The following CBFA2T3 variants were observed in gnomAD, a reference collection of about 807,000 sequenced individuals.
CBFA2T3 encodes transcriptional corepressor CBFA2T3.
CBFA2T3 carries 31 observed loss-of-function variants against 58.6 expected under a neutral mutation model. The ratio of observed to expected loss-of-function variants is 0.53; its 90% CI spans 0.40 to 0.71. CBFA2T3 has a LOEUF of 0.71. Among genes scored for constraint, CBFA2T3 ranks in the 30% least tolerant of loss-of-function variants. CBFA2T3 has a pLI of 0.00. For synonymous variants in CBFA2T3, 531 were observed against 421.9 expected (o/e 1.26, Z -3.17); for missense variants, 1,076 against 963.1 (o/e 1.12, Z -1.55).
chr16:88,894,207 CACACAT>C (rs1969772498), intron 3 of CBFA2T3, among the ~76,000 whole-genome samples: 1 of 143,972 alleles, frequency 6.9e-6, no homozygotes, highest in Non-Finnish European at 1.5e-5. Context: ...ACACAATGTA[CACACAT>C]GCACGCACAC....
intron 2 of CBFA2T3, among the ~76,000 whole-genome samples, chr16:88,898,376 C>G (rs560407809): frequency 3.9e-4 from 60 of 152,230 alleles, no homozygotes; most frequent in African/African-American, 1.3e-3. Flanking sequence ...CTCAGGGACG[C>G]CCGGGCCGCC....
At chr16:88,908,296 C>T (rs1970406023) in intron 1 of CBFA2T3, among the ~76,000 whole-genome samples, 1 of 151,430 alleles carries the variant, frequency 6.6e-6, no homozygotes, top group Admixed American at 6.6e-5. Flanking sequence ...GAGCCGAATT[C>T]GTGCCACCGC....
At chr16:88,904,212 T>C (rs1567596013) in intron 1 of CBFA2T3, among the ~76,000 whole-genome samples, 1 of 152,040 alleles carries the variant, frequency 6.6e-6, no homozygotes, top group Non-Finnish European at 1.5e-5. Flanking sequence ...GTGGTTCCCT[T>C]TGGGCAGAAC....
At chr16:88,945,129 A>T (rs1380041267) in intron 1 of CBFA2T3, among the ~76,000 whole-genome samples, 1 of 152,272 alleles carries the variant, frequency 6.6e-6, no homozygotes, top group Non-Finnish European at 1.5e-5. Context: ...ATAGATATTT[A>T]AAAATAAGCG....
intron 3 of CBFA2T3, among the ~76,000 whole-genome samples, chr16:88,895,073 G>A (rs758594001): frequency 1.3e-5 from 2 of 152,164 alleles, no homozygotes; most frequent in Non-Finnish European, 2.9e-5. Context: ...AACATGGGAC[G>A]TGGGGACCTA....
At position 88,879,309 on chromosome 16, in the gene CBFA2T3, G is replaced by A. The variant is rs767267455; in HGVS notation, c.1623C>T (p.Asp541=). The A allele has an allele frequency of 1.5e-5, 24 of 1,608,482 alleles. No individual in the cohort carries two copies. The highest frequency in any genetic ancestry group is 1.1e-4 in the South Asian group (10 of 90,970). The change falls in exon 11 of 12, where the codon GAC becomes GAT. Residue 541 remains aspartate, a synonymous_variant. Transcript: ENST00000268679. ...CCTGCTGGTTGATGACCGTCAGGGC[G>A]TCCTCGGAGGCCTGCCGCTTCGCCT... ...LAEAKRQASE[D]ALTVINQQED... is the part of the protein sequence containing the mutation.
At chr16:88,902,022 G>C (rs950718475) in intron 1 of CBFA2T3, among the ~76,000 whole-genome samples, 1 of 152,210 alleles carries the variant, frequency 6.6e-6, no homozygotes, top group African/African-American at 2.4e-5. Context: ...CATCCCCCGG[G>C]GGGTGTTCAG....
chr16:88,891,499 G>A (rs1469130506), intron 5 of CBFA2T3, among the ~76,000 whole-genome samples: 4 of 152,166 alleles, frequency 2.6e-5, no homozygotes, highest in East Asian at 1.9e-4. Context: ...CCCTATCCCC[G>A]AGCCTTGCCC....
chr16:88,902,117 G>T (rs1054805114), intron 1 of CBFA2T3, among the ~76,000 whole-genome samples: 2 of 152,240 alleles, frequency 1.3e-5, no homozygotes, highest in African/African-American at 4.8e-5. Context: ...TTCCCAGGTG[G>T]CGCTGCTGCT....
At chr16:88,917,924 CGTG>C (rs1970792343) in intron 1 of CBFA2T3, among the ~76,000 whole-genome samples, 2 of 152,158 alleles carry the variant, frequency 1.3e-5, no homozygotes, top group East Asian at 3.9e-4. Context: ...CTCCGGGGTG[CGTG>C]GAGGGACCCC....
intron 1 of CBFA2T3, chr16:88,941,232 C>T: frequency 1.1e-6 from 1 of 950,258 alleles, no homozygotes; most frequent in Non-Finnish European, 1.2e-6. Flanking sequence ...GCTCCGGCCA[C>T]CCCGCGCGGG....
chr16:88,882,534 G>C, intron 8 of CBFA2T3, 142 bp downstream of exon 8: 1 of 653,214 alleles, frequency 1.5e-6, no homozygotes, highest in South Asian at 1.8e-5. Flanking sequence ...GTGTGGGCAT[G>C]GCTGTGTGCA....
chr16:88,909,908 T>TA (rs1179145133), intron 1 of CBFA2T3, among the ~76,000 whole-genome samples: 1 of 152,218 alleles, frequency 6.6e-6, no homozygotes, highest in East Asian at 1.9e-4. Flanking sequence ...CAGGCCAAGG[T>TA]AAACCCGTAC....
intron 1 of CBFA2T3, among the ~76,000 whole-genome samples, chr16:88,922,331 G>T (rs1216562988): frequency 2.6e-5 from 4 of 152,266 alleles, no homozygotes; most frequent in Non-Finnish European, 5.9e-5. Context: ...GTCCTGTCCA[G>T]CAGCAGGGCC....
intron 1 of CBFA2T3, among the ~76,000 whole-genome samples, chr16:88,930,686 C>A (rs1384792319): frequency 9.9e-6 from 1 of 100,642 alleles, no homozygotes; most frequent in African/African-American, 3.6e-5. Flanking sequence ...GGTGGAGGAG[C>A]GAGGAGATGG....
chr16:88,950,080 C>T (rs534851871), intron 1 of CBFA2T3, among the ~76,000 whole-genome samples: 2 of 152,268 alleles, frequency 1.3e-5, no homozygotes, highest in East Asian at 3.9e-4. Flanking sequence ...GCTTCTCTTC[C>T]TCATGACTGG....
At position 88,885,038 on chromosome 16, in the gene CBFA2T3, C is replaced by T; in HGVS notation, c.1117+8G>A. The T allele has an allele frequency of 6.3e-7, 1 of 1,590,096 alleles. No individual in the cohort carries two copies. The highest frequency in any genetic ancestry group is 1.7e-5 in the Admixed American group (1 of 59,360). On this transcript the variant is annotated splice_region_variant and intron_variant, in intron 7 of 11. Transcript: ENST00000268679. The surrounding 1 kb of genome is among the most constrained non-coding windows in gnomAD (Gnocchi z 5.3). Reference sequence around the variant, plus strand: ...GCGTCCACGCTCCCGCCCCACCGGGCTGCTCACCAAGCGGCCGATGGCGCT... The same window carrying T: ...GCGTCCACGCTCCCGCCCCACCGGGTTGCTCACCAAGCGGCCGATGGCGCT...
chr16:88,896,118 T>C (rs1197055864), intron 3 of CBFA2T3, among the ~76,000 whole-genome samples: 1 of 152,162 alleles, frequency 6.6e-6, no homozygotes, highest in Non-Finnish European at 1.5e-5. Context: ...GTGAGGCTGT[T>C]GGCAATAAAC....
chr16:88,913,686 C>T (rs1470676817), intron 1 of CBFA2T3, among the ~76,000 whole-genome samples: 1 of 152,206 alleles, frequency 6.6e-6, no homozygotes, highest in Non-Finnish European at 1.5e-5. Flanking sequence ...TTCAGGAATG[C>T]ATTCTCAGGA....
Sources: gnomAD v4.1 joint callset for allele counts (sites outside exome capture counted in the v4.1 genomes callset) on GRCh38, gnomAD v4.1.1 for gene constraint, Gnocchi (gnomAD v3.1) non-coding constraint, MANE v1.5 for transcripts, NCBI Gene and HGNC (gene_info 2026-07-23, HGNC 2026-07-21) for gene names.